Variants in NTM observed in about 807,000 individuals in gnomAD.
NTM encodes the protein IgLON family member 2.
A neutral mutation model predicts 42.1 loss-of-function variants in NTM; 13 were observed. That is an observed-to-expected ratio of 0.31 (90% CI 0.20 to 0.49). The LOEUF is 0.49. Ranked by LOEUF, NTM falls within the 20% of genes least tolerant of loss-of-function variation. The pLI is 0.99. For synonymous variants in NTM, 187 were observed against 179.2 expected, an observed-to-expected ratio of 1.04 and a Z score of -0.35; for missense variants, 373 against 452.8, an observed-to-expected ratio of 0.82 and a Z score of 1.60.
rs550867139 is a variant in NTM, at chr11:131,760,669, G to A, written c.83-150895G>A. Among the ~76,000 whole-genome samples the A allele has an allele frequency of 4.6e-5, 7 of 152,290 alleles. No homozygotes were observed. The East Asian group carries it at 1.2e-3, about 25-fold the overall frequency. On this transcript the variant is annotated intron_variant, in intron 1 of 8. Coordinates refer to ENST00000683400, the MANE Select transcript of NTM (RefSeq NM_001352005.2). ...CTGCTGAGACAGTCAGTGCTGTGTGGGGGCCGGGGAGGGGCCGGGGTTCCA... is the reference window on the plus strand; with the variant it reads ...CTGCTGAGACAGTCAGTGCTGTGTGAGGGCCGGGGAGGGGCCGGGGTTCCA...
chr11:132,278,669 A>T (rs929502392), intron 4 of NTM, among the ~76,000 whole-genome samples: 1 of 151,728 alleles, frequency 6.6e-6, no homozygotes, highest in Admixed American at 6.6e-5. Flanking sequence ...TGGAAAACAC[A>T]TTCTGTCTTA....
At chr11:131,537,125 CATA>C (rs1293258024) in intron 1 of NTM, 1 of 146,934 alleles carries the variant, frequency 6.8e-6, no homozygotes, top group Non-Finnish European at 1.5e-5. Flanking sequence ...CTGAGTGACT[CATA>C]GTAGGCATTC....
intron 3 of NTM, among the ~76,000 whole-genome samples, chr11:132,166,647 A>T (rs2075321412): frequency 6.6e-6 from 1 of 152,236 alleles, no homozygotes; most frequent in Admixed American, 6.5e-5. Context: ...TGCATTAATC[A>T]GTCAGTGGCA....
At chr11:131,480,210 G>T (rs542507868) in intron 1 of NTM, among the ~76,000 whole-genome samples, 246 of 151,294 alleles carry the variant, frequency 1.6e-3, no homozygotes, top group African/African-American at 5.8e-3. Context: ...TTGGAACAGA[G>T]TAGTAGCAAG....
intron 1 of NTM, among the ~76,000 whole-genome samples, chr11:131,545,090 C>T (rs1450793020): frequency 2.0e-5 from 3 of 152,084 alleles, no homozygotes; most frequent in Non-Finnish European, 4.4e-5. Context: ...TTTTCTTTCT[C>T]GCTGGACTAT....
At chr11:131,836,787 T>G (rs982631611) in intron 1 of NTM, among the ~76,000 whole-genome samples, 1 of 152,238 alleles carries the variant, frequency 6.6e-6, no homozygotes, top group Admixed American at 6.5e-5. Context: ...GAAAAAAATC[T>G]AGGCAGTTGT....
chr11:131,817,587 A>G (rs957083111), intron 1 of NTM, among the ~76,000 whole-genome samples: 3 of 152,140 alleles, frequency 2.0e-5, no homozygotes, highest in Admixed American at 1.3e-4. Context: ...TGGCGGGGAG[A>G]GCCCACCTGA....
chr11:131,913,179 A>G (rs1201971053), intron 2 of NTM, among the ~76,000 whole-genome samples: 7 of 152,254 alleles, frequency 4.6e-5, no homozygotes, highest in Non-Finnish European at 1.0e-4. Flanking sequence ...AAAACCAAAA[A>G]TAAATGTCTA....
At chr11:131,771,884 T>C (rs2086156144) in intron 1 of NTM, among the ~76,000 whole-genome samples, 1 of 152,192 alleles carries the variant, frequency 6.6e-6, no homozygotes, top group African/African-American at 2.4e-5. Context: ...GGATGAAACA[T>C]GACAAGCTGA....
intron 1 of NTM, among the ~76,000 whole-genome samples, chr11:131,726,196 TACA>T (rs1258206599): frequency 1.3e-5 from 2 of 152,306 alleles, no homozygotes; most frequent in East Asian, 3.9e-4. Context: ...AAGAGGTCTA[TACA>T]ACATCTATTT....
At chr11:132,324,594 T>C (rs1200016309) in intron 7 of NTM, among the ~76,000 whole-genome samples, 1 of 148,946 alleles carries the variant, frequency 6.7e-6, no homozygotes, top group Non-Finnish European at 1.5e-5. Flanking sequence ...ATGGCCATAC[T>C]GCCCAAGGTA....
At chr11:132,111,998 T>C (rs908356398) in intron 2 of NTM, among the ~76,000 whole-genome samples, 9 of 152,260 alleles carry the variant, frequency 5.9e-5, no homozygotes, top group Non-Finnish European at 8.8e-5. Context: ...TAGAAATGAC[T>C]CAGACTACAA....
At chr11:131,789,499 A>AG (rs1204768866) in intron 1 of NTM, among the ~76,000 whole-genome samples, 2 of 7,982 alleles carry the variant, frequency 2.5e-4, no homozygotes, top group Non-Finnish European at 4.6e-4. Context: ...AGAGGAAAGA[A>AG]GAAGAAGAAG....
intron 1 of NTM, among the ~76,000 whole-genome samples, chr11:131,594,357 T>A (rs2059634915): frequency 6.6e-6 from 1 of 152,160 alleles, no homozygotes; most frequent in South Asian, 2.1e-4. Context: ...CCCCAAAATC[T>A]TATGTAACAT....
chr11:131,609,991 T>G (rs1182193969), intron 1 of NTM, among the ~76,000 whole-genome samples: 2 of 152,228 alleles, frequency 1.3e-5, no homozygotes, highest in Non-Finnish European at 2.9e-5. Flanking sequence ...ATTTCTTTGT[T>G]TGAGTCATTT....
At chr11:132,178,676 C>T (rs1337275924) in intron 3 of NTM, among the ~76,000 whole-genome samples, 5 of 152,122 alleles carry the variant, frequency 3.3e-5, no homozygotes, top group Admixed American at 2.6e-4. Flanking sequence ...GGCTGTGAAT[C>T]ATTTGCTCGT....
chr11:132,259,905 T>G (rs1422149074), intron 4 of NTM, among the ~76,000 whole-genome samples: 1 of 151,806 alleles, frequency 6.6e-6, no homozygotes, highest in Admixed American at 6.6e-5. Context: ...TGCACCACCA[T>G]GCCTAGCTAA....
rs143639538 is a variant in NTM, at chr11:132,092,070, T to C, written c.168-54212T>C. Among the ~76,000 whole-genome samples the C allele has an allele frequency of 1.7e-3, 257 of 152,362 alleles. 3 individuals are homozygous for C. The highest frequency in any genetic ancestry group is 6.1e-3 in the African/African-American group (252 of 41,582). ...CCAAAGCTAGATCTTCTAGCAATGC[T>C]ATGGACTTTGTTCACACCTATCTTC... On this transcript the variant is annotated intron_variant, in intron 2 of 8. Coordinates refer to ENST00000683400, the MANE Select transcript of NTM (RefSeq NM_001352005.2).
chr11:132,118,558 G>C (rs1487837980), intron 2 of NTM, among the ~76,000 whole-genome samples: 1 of 152,184 alleles, frequency 6.6e-6, no homozygotes, highest in Non-Finnish European at 1.5e-5. Context: ...CCTCTCCAAG[G>C]ACAGCTACTG....
Sources: gnomAD v4.1 joint callset for allele counts (sites outside exome capture counted in the v4.1 genomes callset) on GRCh38, gnomAD v4.1.1 for gene constraint, MANE v1.5 for transcripts, NCBI Gene and HGNC (gene_info 2026-07-23, HGNC 2026-07-21) for gene names.